Variants in DCC observed in about 807,000 individuals in gnomAD.
DCC encodes the protein DCC netrin 1 receptor.
A neutral mutation model predicts 172.5 loss-of-function variants in DCC; 58 were observed. That is an observed-to-expected ratio of 0.34 (90% confidence interval 0.27 to 0.42). The LOEUF (loss-of-function observed/expected upper bound fraction) is 0.42, where lower values mean the gene tolerates loss of function less well. Ranked by LOEUF, DCC falls within the 10% of genes least tolerant of loss-of-function variation. The pLI is 1.00. For missense variants in DCC, 1,740 were observed against 1,791.0 expected, an observed-to-expected ratio of 0.97 and a Z score of 0.51; for synonymous variants, 709 against 644.5, an observed-to-expected ratio of 1.10 and a Z score of -1.52.
intron 1 of DCC, among the ~76,000 whole-genome samples, chr18:52,526,116 T>C (rs1255206290): frequency 6.6e-6 from 1 of 152,236 alleles, no homozygotes; most frequent in Non-Finnish European, 1.5e-5. Context: ...TAGGAAAAGC[T>C]AGGTGTGAGT....
chr18:52,370,452 C>T (rs890623190), intron 1 of DCC, among the ~76,000 whole-genome samples: 3 of 152,082 alleles, frequency 2.0e-5, no homozygotes, highest in Non-Finnish European at 4.4e-5. Context: ...CCTCAGCAAA[C>T]TAATGCAGGA....
chr18:52,369,546 T>A (rs969805149), intron 1 of DCC, among the ~76,000 whole-genome samples: 1 of 152,062 alleles, frequency 6.6e-6, no homozygotes, highest in Admixed American at 6.5e-5. Context: ...GTTACAACGA[T>A]GTCACCAAAC....
intron 12 of DCC, among the ~76,000 whole-genome samples, chr18:53,216,038 T>C (rs1327612946): frequency 2.0e-5 from 3 of 152,194 alleles, no homozygotes; most frequent in Admixed American, 6.5e-5. Context: ...TCTTCCTTTA[T>C]AAATGTAGTC....
intron 7 of DCC, among the ~76,000 whole-genome samples, chr18:53,093,379 C>T (rs1415959202): frequency 6.6e-6 from 1 of 152,172 alleles, no homozygotes; most frequent in Non-Finnish European, 1.5e-5. Context: ...CATAGCACAT[C>T]TTATTGCTCG....
At chr18:53,381,602 T>C (rs1429707438) in intron 15 of DCC, among the ~76,000 whole-genome samples, 1 of 115,612 alleles carries the variant, frequency 8.6e-6, no homozygotes, top group Non-Finnish European at 1.6e-5. Context: ...ATAAAGTTTC[T>C]AGTTTGTTGT....
intron 5 of DCC, among the ~76,000 whole-genome samples, chr18:52,983,535 G>A (rs2041243755): frequency 6.6e-6 from 1 of 152,024 alleles, no homozygotes; most frequent in Non-Finnish European, 1.5e-5. Flanking sequence ...AAGAGAAGAG[G>A]GTCAGTTCCC....
chr18:52,780,596 T>C (rs910330660), intron 2 of DCC, among the ~76,000 whole-genome samples: 1 of 152,098 alleles, frequency 6.6e-6, no homozygotes, highest in Non-Finnish European at 1.5e-5. Flanking sequence ...TGATGAAAAT[T>C]GGATAATTAT....
Position 52,394,565 on chromosome 18 carries a change from C to T in DCC, c.91+53687C>T, listed in dbSNP as rs77307980. ...TCGCTGAGATTACAGGTGTGAGCCA[C>T]CACACCTAGCCTCAGATTTGTAATT... On this transcript the variant is annotated intron_variant, in intron 1 of 28. Transcript: ENST00000442544. Among the ~76,000 whole-genome samples, 8 of 152,086 alleles carry T rather than the reference C, an allele frequency of 5.3e-5. No individual in the cohort carries two copies. The East Asian group carries it at 1.6e-3, about 30-fold the overall frequency.
At chr18:52,845,628 A>G (rs2038874355) in intron 2 of DCC, among the ~76,000 whole-genome samples, 1 of 152,218 alleles carries the variant, frequency 6.6e-6, no homozygotes, top group Non-Finnish European at 1.5e-5. Context: ...TCAAGGTACC[A>G]TGTAAAAGAT....
chr18:52,738,417 G>T (rs2036761772), intron 1 of DCC, among the ~76,000 whole-genome samples: 1 of 152,142 alleles, frequency 6.6e-6, no homozygotes, highest in Non-Finnish European at 1.5e-5. Flanking sequence ...ACTATAGGCA[G>T]TTACTGTAGG....
chr18:53,441,844 T>A (rs1912296281), intron 22 of DCC, among the ~76,000 whole-genome samples: 1 of 152,182 alleles, frequency 6.6e-6, no homozygotes, highest in African/African-American at 2.4e-5. Context: ...TGAAACCCGT[T>A]AGAGGGTCTG....
At chr18:52,830,401 T>C (rs2038591957) in intron 2 of DCC, among the ~76,000 whole-genome samples, 1 of 152,180 alleles carries the variant, frequency 6.6e-6, no homozygotes, top group Non-Finnish European at 1.5e-5. Flanking sequence ...CCCTGGAAAG[T>C]CTTGTCAACT....
At chr18:52,875,122 C>A (rs2039383856) in intron 2 of DCC, among the ~76,000 whole-genome samples, 1 of 152,042 alleles carries the variant, frequency 6.6e-6, no homozygotes. Flanking sequence ...CCTTTGCTCT[C>A]TCTGGAGTTG....
intron 25 of DCC, among the ~76,000 whole-genome samples, chr18:53,479,037 C>G (rs1255900780): frequency 2.0e-5 from 3 of 152,154 alleles, no homozygotes; most frequent in Non-Finnish European, 4.4e-5. Flanking sequence ...CTTGTGGATG[C>G]CCACAACCAA....
Position 52,927,145 on chromosome 18 carries a change from ATG to A in DCC, c.985+1779_985+1780del, listed in dbSNP as rs376302174. Among the ~76,000 whole-genome samples, 33 of 74,584 alleles carry A rather than the reference ATG, an allele frequency of 4.4e-4. 8 individuals carry two copies. The highest frequency in any genetic ancestry group is 6.2e-4 in the Non-Finnish European group (20 of 32,264). 48.9% of individuals were successfully genotyped at this position (74,584 alleles called of 152,430 possible). A position where few individuals can be genotyped will look rare whatever the true frequency, so the allele number is the denominator to read the frequency against. On this transcript the variant is annotated intron_variant, in intron 5 of 28. Transcript: ENST00000442544. ...TATATACACGTATATACGTGTATAT[ATG>A]TGTATATATACGTATATATGTGTAT...
intron 5 of DCC, among the ~76,000 whole-genome samples, chr18:52,926,555 C>T (rs2040204949): frequency 6.6e-6 from 1 of 151,466 alleles, no homozygotes; most frequent in African/African-American, 2.4e-5. Context: ...TTCAGTAACA[C>T]AAAATGGTTA....
At chr18:52,780,903 G>C (rs2037528102) in intron 2 of DCC, among the ~76,000 whole-genome samples, 1 of 152,144 alleles carries the variant, frequency 6.6e-6, no homozygotes, top group Admixed American at 6.5e-5. Flanking sequence ...GTGGTGAAAA[G>C]ATTGGGATTG....
At chr18:52,492,219 G>A (rs1241147796) in intron 1 of DCC, among the ~76,000 whole-genome samples, 1 of 151,930 alleles carries the variant, frequency 6.6e-6, no homozygotes, top group East Asian at 1.9e-4. Context: ...GGGGGGTAGT[G>A]GGACTGGTGA....
chr18:53,114,251 C>A (rs1013682199), intron 7 of DCC, among the ~76,000 whole-genome samples: 3 of 98,030 alleles, frequency 3.1e-5, no homozygotes, highest in African/African-American at 5.6e-5. Flanking sequence ...TTAATGAACA[C>A]CCCCCCCACC....
Sources: allele counts gnomAD v4.1 joint callset (sites outside exome capture counted in the v4.1 genomes callset), GRCh38; gene constraint gnomAD v4.1.1; transcripts MANE v1.5; gene names NCBI Gene and HGNC (gene_info 2026-07-23, HGNC 2026-07-21).